Variants in MDN1 observed in about 807,000 individuals in gnomAD.
The protein encoded by MDN1 is midasin AAA ATPase 1, also known as midasin.
Under a neutral mutation model 669.2 loss-of-function variants are expected in MDN1, and 266 were observed. The ratio of observed to expected loss-of-function variants is 0.40; its 90% confidence interval spans 0.36 to 0.44. MDN1 has a LOEUF of 0.44. Ranked by LOEUF, MDN1 falls within the 20% of genes least tolerant of loss-of-function variation. The pLI is 1.00. For missense variants in MDN1, 5,940 were observed against 6,754.0 expected (o/e 0.88, Z 4.22); for synonymous variants, 2,385 against 2,457.1 (o/e 0.97, Z 0.87).
At chr6:89,770,221 T>A (rs541826469) in intron 15 of MDN1, among the ~76,000 whole-genome samples, 1 of 151,976 alleles carries the variant, frequency 6.6e-6, no homozygotes, top group Non-Finnish European at 1.5e-5. Flanking sequence ...CTGGCAAACA[T>A]GGTAAAACCC....
chr6:89,690,581 G>T lies in MDN1; in HGVS notation c.10749+92C>A, dbSNP rs955707124. ...TCTAAAATACATACATACAGAGAGA[G>T]AGATAAAGAGGAAGAGAGAAAGCCA... is the stretch of plus-strand genomic sequence containing the variant. On this transcript the variant is annotated intron_variant, in intron 64 of 101. Transcript: ENST00000369393. The T allele has an allele frequency of 8.9e-6, 13 of 1,465,120 alleles. No individual in the cohort carries two copies. The African/African-American group carries it at 1.8e-4, about 20-fold the overall frequency. The allele number at this position is 1,465,120 out of a possible 1,614,324, so 90.8% of individuals were successfully genotyped here.
At chr6:89,753,659 A>G in intron 21 of MDN1, 37 bp from the exon 22 acceptor site, 1 of 1,474,210 alleles carries the variant, frequency 6.8e-7, no homozygotes, top group South Asian at 1.1e-5. Flanking sequence ...ATGCTAAATA[A>G]CCTTCTGCAA....
intron 84 of MDN1, among the ~76,000 whole-genome samples, chr6:89,666,783 G>A (rs942666790): frequency 6.6e-6 from 1 of 152,190 alleles, no homozygotes; most frequent in Non-Finnish European, 1.5e-5. Context: ...ACTCTAGCCT[G>A]GGCAAGAGAG....
chr6:89,768,957 G>A (rs1817946933), intron 15 of MDN1, among the ~76,000 whole-genome samples: 1 of 151,910 alleles, frequency 6.6e-6, no homozygotes, highest in South Asian at 2.1e-4. Context: ...AGGAGGCTGA[G>A]ATGGAAGGAT....
chr6:89,772,057 A>G (rs1385505999), intron 14 of MDN1, among the ~76,000 whole-genome samples: 1 of 152,178 alleles, frequency 6.6e-6, no homozygotes, highest in African/African-American at 2.4e-5. Flanking sequence ...AGAGCCCAGA[A>G]GTTGGAGACC....
intron 20 of MDN1, among the ~76,000 whole-genome samples, chr6:89,755,457 T>C (rs1053935090): frequency 6.6e-6 from 1 of 151,928 alleles, no homozygotes; most frequent in African/African-American, 2.4e-5. Flanking sequence ...TTTTCACTTA[T>C]CACAACCTAA....
At chr6:89,688,490 G>T in intron 66 of MDN1, 83 bp downstream of exon 66, 1 of 1,259,698 alleles carries the variant, frequency 7.9e-7, no homozygotes, top group Non-Finnish European at 1.1e-6. Flanking sequence ...TGTGCAAGTG[G>T]GTGCCCCCAG....
intron 1 of MDN1, among the ~76,000 whole-genome samples, chr6:89,810,682 A>T (rs1021963380): frequency 1.3e-5 from 2 of 151,750 alleles, no homozygotes; most frequent in Non-Finnish European, 2.9e-5. Context: ...TCTTCCCTTT[A>T]TGTCTTTCTC....
At chr6:89,653,209 C>G in intron 93 of MDN1, 54 bp from the exon 94 acceptor site, 1 of 1,524,320 alleles carries the variant, frequency 6.6e-7, no homozygotes, top group East Asian at 2.3e-5. Context: ...GATGACTGAC[C>G]AAGCCTTTGC....
intron 33 of MDN1, among the ~76,000 whole-genome samples, chr6:89,738,085 A>G (rs1251087980): frequency 6.6e-6 from 1 of 152,236 alleles, no homozygotes; most frequent in Non-Finnish European, 1.5e-5. Flanking sequence ...AAAGAAATGC[A>G]GCTGAAATTC....
chr6:89,738,258 G>C, intron 33 of MDN1, 68 bp downstream of exon 33: 1 of 1,557,098 alleles, frequency 6.4e-7, no homozygotes, highest in African/African-American at 1.4e-5. Flanking sequence ...TCCTGTAAGA[G>C]ATCCCTCAAC....
chr6:89,776,339 T>C (rs914906892), intron 12 of MDN1, among the ~76,000 whole-genome samples: 2 of 152,154 alleles, frequency 1.3e-5, no homozygotes, highest in Admixed American at 6.5e-5. Flanking sequence ...CACATGCCTG[T>C]AATCCCAGCT....
rs745516992 is a variant in MDN1 at position 89,653,012 on chromosome 6, G to C, written c.15805C>G (p.Leu5269Val). 5 of 1,613,882 alleles carry C rather than the reference G, an allele frequency of 3.1e-6. No individual in the cohort carries two copies. The South Asian group carries it at 5.5e-5, about 18-fold the overall frequency. The change falls in exon 94 of 102, where the codon CTC (leucine) becomes GTC (valine). Residue 5269 changes from leucine to valine, a missense_variant. Around this residue, in one of 5 missense-constraint regions of MDN1, gnomAD observed 2,280 missense variants for 2,576.3 expected, o/e 0.88. Coordinates refer to ENST00000369393, the MANE Select transcript of MDN1 (RefSeq NM_014611.3). ...ESTIHTAHQF[L>V]MDTIFQPFLK... ...ACTACCTGGAAGATCGTGTCCATGA[G>C]GAATTGATGAGCTGTATGAATGGTA...
chr6:89,686,105 A>T (rs1336160721), intron 69 of MDN1, 132 bp from the exon 70 acceptor site: 6 of 853,530 alleles, frequency 7.0e-6, no homozygotes, highest in Non-Finnish European at 1.1e-5. Context: ...CTCTCAAGCA[A>T]GGACCATGGC....
At position 89,772,684 on chromosome 6, in the gene MDN1, C is replaced by T; in HGVS notation, c.1972G>A (p.Val658Ile). The T allele has an allele frequency of 1.2e-6, 2 of 1,613,998 alleles. No individual in the cohort carries two copies. The highest frequency in any genetic ancestry group is 1.7e-6 in the Non-Finnish European group (2 of 1,179,966). Residue 658 changes from valine to isoleucine, a missense_variant, in exon 14 of 102, where the codon GTT becomes ATT. Coordinates refer to ENST00000369393, the MANE Select transcript of MDN1 (RefSeq NM_014611.3). ...CACACTGCAAGCTGCTCGATGAGAA[C>T]AGAGGACGGCCGTGTAGCAGCGAAA... is the stretch of plus-strand genomic sequence containing the variant. ...FTFAATRPSS[V>I]LIEQLAVCVS...
At chr6:89,755,908 C>T (rs1016427500) in intron 20 of MDN1, among the ~76,000 whole-genome samples, 8 of 152,180 alleles carry the variant, frequency 5.3e-5, no homozygotes, top group African/African-American at 1.9e-4. Context: ...CTCCTTACAT[C>T]CCACATAGCT....
Position 89,696,343 on chromosome 6 carries a change from C to T in MDN1, c.9383+17G>A, listed in dbSNP as rs1315283477. On this transcript the variant is annotated intron_variant, in intron 60 of 101. Coordinates refer to ENST00000369393, the MANE Select transcript of MDN1 (RefSeq NM_014611.3). The stretch of plus-strand genomic sequence containing the variant: ...AAGACAGGAACTTTACAGTCTGCTT[C>T]CAGGGCGAGGGAATACCTGAATTCT... 1 of 1,612,148 alleles carries T rather than the reference C, an allele frequency of 6.2e-7. No individual in the cohort carries two copies. Among genetic ancestry groups the T allele is most frequent in the East Asian group, 2.2e-5 (1 of 44,852 alleles).
Position 89,650,866 on chromosome 6 carries a change from G to GTAA in MDN1, c.15916-22_15916-20dup. 6.2e-7 allele frequency: 1 copy of GTAA among 1,600,656 alleles called. No individual in the cohort carries two copies. Among genetic ancestry groups the GTAA allele is most frequent in the Non-Finnish European group, 8.6e-7 (1 of 1,167,984 alleles). On this transcript the variant is annotated intron_variant, in intron 95 of 101. Coordinates refer to ENST00000369393, the MANE Select transcript of MDN1 (RefSeq NM_014611.3). ...CCTTCTCCTGTGACAACAACAAAAT[G>GTAA]TAAGTTACCCTCAGAATGTCAGAGC...
At position 89,661,592 on chromosome 6, in the gene MDN1, G is replaced by GAGAC; in HGVS notation, c.14566-18_14566-15dup. ...ATCATAGTCCCTCTTTGGGACAATG[G>GAGAC]AGACAACAGGGATAAAATAAAAATA... On this transcript the variant is annotated splice_polypyrimidine_tract_variant and intron_variant, in intron 87 of 101. Transcript: ENST00000369393. The GAGAC allele has an allele frequency of 6.3e-7, 1 of 1,598,164 alleles. No homozygotes were observed. The highest frequency in any genetic ancestry group is 8.5e-7 in the Non-Finnish European group (1 of 1,175,356).
Sources: allele counts gnomAD v4.1 joint callset (sites outside exome capture counted in the v4.1 genomes callset), GRCh38; gene constraint gnomAD v4.1.1; regional missense constraint gnomAD v4.1.1; transcripts MANE v1.5; gene names NCBI Gene and HGNC (gene_info 2026-07-23, HGNC 2026-07-21).